Variants in CACNG2 observed in about 807,000 individuals in gnomAD.
CACNG2 encodes calcium voltage-gated channel auxiliary subunit gamma 2.
Under a neutral mutation model 25.9 loss-of-function variants are expected in CACNG2, and 3 were observed. The observed-to-expected ratio is 0.12, with a 90% confidence interval of 0.05 to 0.30. The LOEUF (loss-of-function observed/expected upper bound fraction) is 0.30, where lower values mean the gene tolerates loss of function less well. CACNG2 is among the 10% of genes least tolerant of loss of function. The probability of loss-of-function intolerance (pLI) is 1.00; values close to 1 mark genes in which losing one functional copy is unlikely to be tolerated. For missense variants in CACNG2, 341 were observed against 432.5 expected (o/e 0.79, Z 1.88); for synonymous variants, 167 against 173.3 (o/e 0.96, Z 0.29).
At chr22:36,648,751 G>T (rs1936565531) in intron 1 of CACNG2, among the ~76,000 whole-genome samples, 1 of 152,024 alleles carries the variant, frequency 6.6e-6, no homozygotes, top group South Asian at 2.1e-4. Flanking sequence ...CTCAAAATGG[G>T]AACCTGGGAA....
At position 36,566,335 on chromosome 22, in the gene CACNG2, T is replaced by A. The variant is rs763451018; in HGVS notation, c.436+18A>T. On this transcript the variant is annotated intron_variant, in intron 3 of 3. Coordinates refer to ENST00000300105, the MANE Select transcript of CACNG2 (RefSeq NM_006078.5). Reference sequence around the variant, plus strand: ...CCAGCCTTCTTCCCAGTGGCAGGACTGGATCAGTGGCTGTTACCTGCAGAC... The same window carrying A: ...CCAGCCTTCTTCCCAGTGGCAGGACAGGATCAGTGGCTGTTACCTGCAGAC... 2.5e-6 allele frequency: 4 copies of A among 1,613,578 alleles called. No homozygotes were observed. The African/African-American group carries it at 5.3e-5, about 22-fold the overall frequency.
At chr22:36,699,044 T>C (rs1232110285) in intron 1 of CACNG2, among the ~76,000 whole-genome samples, 2 of 152,210 alleles carry the variant, frequency 1.3e-5, no homozygotes, top group Admixed American at 1.3e-4. Flanking sequence ...TCGCATCTTG[T>C]TGTAGATTTC....
At chr22:36,699,553 A>T (rs1937384836) in intron 1 of CACNG2, among the ~76,000 whole-genome samples, 1 of 151,174 alleles carries the variant, frequency 6.6e-6, no homozygotes, top group Non-Finnish European at 1.5e-5. Flanking sequence ...GTTGTTTTTC[A>T]TCTGGAGTCA....
intron 1 of CACNG2, among the ~76,000 whole-genome samples, chr22:36,641,172 T>C (rs567453269): frequency 4.0e-4 from 61 of 152,316 alleles, no homozygotes; most frequent in African/African-American, 1.4e-3. Context: ...GCTTTATTTT[T>C]CTGCAGAGCA....
chr22:36,683,792 G>A (rs190216312), intron 1 of CACNG2, among the ~76,000 whole-genome samples: 14 of 152,154 alleles, frequency 9.2e-5, no homozygotes, highest in Admixed American at 7.2e-4. Flanking sequence ...GAAACCAAAG[G>A]GAAAATCCTT....
At chr22:36,614,078 G>A (rs921987954) in intron 1 of CACNG2, among the ~76,000 whole-genome samples, 12 of 152,204 alleles carry the variant, frequency 7.9e-5, no homozygotes, top group Middle Eastern at 3.4e-3. Flanking sequence ...AGGTGAAATC[G>A]GAGCTGCCTC....
At chr22:36,693,538 T>C (rs530928310) in intron 1 of CACNG2, among the ~76,000 whole-genome samples, 28 of 152,340 alleles carry the variant, frequency 1.8e-4, no homozygotes, top group Middle Eastern at 6.8e-3. Flanking sequence ...CCAGTTGTGA[T>C]GATCCTACCT....
At chr22:36,631,184 T>C (rs1936264610) in intron 1 of CACNG2, among the ~76,000 whole-genome samples, 1 of 151,938 alleles carries the variant, frequency 6.6e-6, no homozygotes, top group Non-Finnish European at 1.5e-5. Flanking sequence ...GGTACACGTG[T>C]GAGATGAGAG....
At chr22:36,572,210 G>A (rs575440634) in intron 2 of CACNG2, among the ~76,000 whole-genome samples, 8 of 152,120 alleles carry the variant, frequency 5.3e-5, no homozygotes, top group African/African-American at 1.7e-4. Flanking sequence ...TTCTAAGAGC[G>A]GTGTAAACCT....
At chr22:36,599,021 G>T (rs1165941910) in intron 1 of CACNG2, among the ~76,000 whole-genome samples, 2 of 152,156 alleles carry the variant, frequency 1.3e-5, no homozygotes, top group Non-Finnish European at 2.9e-5. Context: ...CGTATAGCCT[G>T]CAACTCAGCA....
intron 1 of CACNG2, among the ~76,000 whole-genome samples, chr22:36,631,737 CTT>C (rs131828): frequency 2.2e-4 from 25 of 115,328 alleles, no homozygotes; most frequent in African/African-American, 3.1e-4. Context: ...GTGAGCAACT[CTT>C]TTTTTTTTTT....
chr22:36,591,324 C>T (rs12159540), intron 1 of CACNG2, among the ~76,000 whole-genome samples: 6,091 of 152,144 alleles, frequency 0.04, 410 homozygotes, highest in African/African-American at 0.14. Flanking sequence ...CCACCGCGCC[C>T]GGCCTAAGGG....
intron 1 of CACNG2, among the ~76,000 whole-genome samples, chr22:36,637,470 G>C (rs564174666): frequency 6.6e-6 from 1 of 152,130 alleles, no homozygotes; most frequent in Non-Finnish European, 1.5e-5. Context: ...AAATGTTTAC[G>C]TAGGCAGTAG....
At chr22:36,599,927 C>T (rs1935729579) in intron 1 of CACNG2, among the ~76,000 whole-genome samples, 1 of 152,172 alleles carries the variant, frequency 6.6e-6, no homozygotes, top group Non-Finnish European at 1.5e-5. Flanking sequence ...AGTTCCCAGC[C>T]TCGCTTGCAG....
chr22:36,700,528 C>G (rs2284015), intron 1 of CACNG2, among the ~76,000 whole-genome samples: 43,655 of 152,060 alleles, frequency 0.29, 6,381 homozygotes, highest in East Asian at 0.32. Context: ...AACTAAAATC[C>G]AAGGAAAGCA....
At chr22:36,656,602 G>A (rs943992065) in intron 1 of CACNG2, among the ~76,000 whole-genome samples, 3 of 151,636 alleles carry the variant, frequency 2.0e-5, no homozygotes, top group East Asian at 3.9e-4. Context: ...ACTTTCCTCC[G>A]CTCAAAGTCC....
rs532170717 is a variant in CACNG2, at chr22:36,594,900, GTGTGTGTGCATGTGTGTGTC to G, written c.212-7372_212-7353del. ...TGTCTGTGCCTGTGTGTACATGGGT[GTGTGTGTGCATGTGTGTGTC>G]TGTGTGTGCATGTGTGTTTGTGTGT... On this transcript the variant is annotated intron_variant, in intron 1 of 3. Coordinates refer to ENST00000300105, the MANE Select transcript of CACNG2 (RefSeq NM_006078.5). Among the ~76,000 whole-genome samples, 10 of 151,602 alleles carry G rather than the reference GTGTGTGTGCATGTGTGTGTC, an allele frequency of 6.6e-5. 1 individual carries two copies. In the South Asian group the frequency reaches 1.9e-3, roughly 28 times the overall value.
intron 1 of CACNG2, among the ~76,000 whole-genome samples, chr22:36,608,457 T>TTC (rs199664636): frequency 6.6e-6 from 1 of 152,164 alleles, no homozygotes; most frequent in African/African-American, 2.4e-5. Flanking sequence ...ATACTTTCTG[T>TTC]TCTCTCTCTC....
chr22:36,697,407 G>A (rs563240189), intron 1 of CACNG2, among the ~76,000 whole-genome samples: 9 of 152,258 alleles, frequency 5.9e-5, no homozygotes, highest in African/African-American at 1.4e-4. Context: ...ACCGTGGCTT[G>A]GGTCTACTGC....
Sources: allele counts gnomAD v4.1 joint callset (sites outside exome capture counted in the v4.1 genomes callset), GRCh38; gene constraint gnomAD v4.1.1; transcripts MANE v1.5; gene names NCBI Gene and HGNC (gene_info 2026-07-23, HGNC 2026-07-21).